The following MTERF4 variants were observed in gnomAD, a reference collection of about 807,000 sequenced individuals.
The protein encoded by MTERF4 is mitochondrial transcription termination factor 4, also known as transcription termination factor 4, mitochondrial.
A neutral mutation model predicts 22.5 loss-of-function variants in MTERF4; 17 were observed. That is an observed-to-expected ratio of 0.75 (90% CI 0.52 to 1.13). The LOEUF (loss-of-function observed/expected upper bound fraction) is 1.13. MTERF4 is among the 50% of genes most tolerant of loss of function. MTERF4 has a pLI of 0.00. For missense variants in MTERF4, 420 were observed against 466.8 expected, an observed-to-expected ratio of 0.90 and a Z score of 0.92; for synonymous variants, 165 against 175.3, an observed-to-expected ratio of 0.94 and a Z score of 0.47.
chr2:241,063,933 C>T, the MTERF4 span: 1 of 1,120,572 alleles, frequency 8.9e-7, no homozygotes, highest in Non-Finnish European at 1.3e-6. Context: ...CTCCTCCTTT[C>T]CCTTCTTCCC....
At chr2:241,065,722 A>C in the MTERF4 span, 1 of 841,210 alleles carries the variant, frequency 1.2e-6, no homozygotes, top group Non-Finnish European at 1.8e-6. Flanking sequence ...CAAGACAGAC[A>C]GCTGAGCTGG....
downstream of MTERF4, chr2:241,089,441 G>T: frequency 6.5e-7 from 1 of 1,547,344 alleles, no homozygotes; most frequent in South Asian, 1.2e-5. Flanking sequence ...TCAGATATAG[G>T]CTCACACACA....
At chr2:241,057,408 T>TATATATATATATATATATATGC in the MTERF4 span, among the ~76,000 whole-genome samples, 9 of 119,202 alleles carry the variant, frequency 7.6e-5, no homozygotes, top group African/African-American at 2.8e-4. Flanking sequence ...TATATATATA[T>TATATATATATATATATATATGC]ATATGCCATA....
the MTERF4 span, among the ~76,000 whole-genome samples, chr2:241,061,465 A>G: frequency 7.2e-5 from 11 of 152,350 alleles, no homozygotes; most frequent in African/African-American, 1.4e-4. Flanking sequence ...CTGTTGAGCA[A>G]TCTGCCCACT....
rs759597095 is a variant in MTERF4 at position 241,099,600 on chromosome 2, T to G, written c.316A>C (p.Asn106His). The G allele has an allele frequency of 1.9e-6, 3 of 1,614,210 alleles. No individual in the cohort carries two copies. The highest frequency in any genetic ancestry group is 2.5e-6 in the Non-Finnish European group (3 of 1,180,028). The change falls in exon 2 of 4, where the codon AAT (asparagine) becomes CAT (histidine). Residue 106 changes from asparagine (N) to histidine (H), a missense_variant. Coordinates refer to ENST00000391980, the MANE Select transcript of MTERF4 (RefSeq NM_182501.4). Reference protein sequence around the residue: ...MSSLLDMGFSNAHINELLSVR... With the variant: ...MSSLLDMGFSHAHINELLSVR... ...CTGAGCAATTCATTAATATGGGCAT[T>G]GCTGAAACCCATGTCCAGGAGGGAA...
chr2:241,079,897 G>A (rs1318442592), intron 4 of MTERF4, among the ~76,000 whole-genome samples: 1 of 152,200 alleles, frequency 6.6e-6, no homozygotes, highest in East Asian at 1.9e-4. Flanking sequence ...TGAAATGATT[G>A]CATGTATATG....
chr2:241,063,975 C>A, the MTERF4 span: 5 of 1,443,088 alleles, frequency 3.5e-6, no homozygotes, highest in Admixed American at 5.9e-5. Flanking sequence ...CAGACTCCCC[C>A]CTTGCAGCTT....
chr2:241,090,325 T>C (rs759112859), downstream of MTERF4: 114 of 1,549,978 alleles, frequency 7.4e-5, no homozygotes, highest in Admixed American at 2.0e-5. Context: ...CCACATCGTG[T>C]CCCAGTAACA....
At chr2:241,081,690 C>T (rs1311622257) in intron 4 of MTERF4, 1 of 1,605,514 alleles carries the variant, frequency 6.2e-7, no homozygotes, top group South Asian at 1.1e-5. Flanking sequence ...TCCCTGGCAA[C>T]TGTTCAGAAA....
At chr2:241,067,357 C>T (rs992265679), downstream of MTERF4, among the ~76,000 whole-genome samples, 3 of 152,194 alleles carry the variant, frequency 2.0e-5, no homozygotes, top group Admixed American at 6.5e-5. Flanking sequence ...CCTAAGACAG[C>T]GTTGCCCAGA....
chr2:241,045,994 A>G, the MTERF4 span, among the ~76,000 whole-genome samples: 11 of 152,360 alleles, frequency 7.2e-5, no homozygotes, highest in East Asian at 2.1e-3. Flanking sequence ...AAAATGGACA[A>G]AAGACTTGAA....
exon 5 of MTERF4, chr2:241,072,804 G>A (rs778330448): frequency 2.4e-4 from 46 of 192,594 alleles, no homozygotes; most frequent in Non-Finnish European, 4.2e-4. Flanking sequence ...CCGAGGGTGC[G>A]GTTGAGATCC....
chr2:241,096,868 A>G lies in MTERF4; in HGVS notation c.705+375T>C. On this transcript the variant is annotated intron_variant, in intron 3 of 3. Transcript: ENST00000391980. This position sits in a 1 kb window ranked among gnomAD's most constrained non-coding sequence, Gnocchi z 5.1. ...AAAATCAACATGCAAAATAGATTCT[A>G]AGGACAGGAAGGTTTCAGCTATTTT... is the stretch of plus-strand genomic sequence containing the variant. The G allele has an allele frequency of 1.7e-6, 1 of 572,228 alleles. No individual in the cohort carries two copies. The highest frequency in any genetic ancestry group is 2.1e-5 in the South Asian group (1 of 47,814). 35.4% of individuals were successfully genotyped at this position (572,228 alleles called of 1,614,324 possible). A position where few individuals can be genotyped will look rare whatever the true frequency, so the allele number is the denominator to read the frequency against.
chr2:241,083,436 C>T (rs926764736), downstream of MTERF4, among the ~76,000 whole-genome samples: 1 of 152,096 alleles, frequency 6.6e-6, no homozygotes, highest in South Asian at 2.1e-4. Context: ...GTGACATGTT[C>T]GATTACACTA....
intron 1 of MTERF4, 188 bp downstream of exon 1, chr2:241,102,065 G>A (rs1485323083): frequency 1.2e-5 from 8 of 646,928 alleles, no homozygotes; most frequent in South Asian, 8.0e-5. Context: ...AAAAAAAAAT[G>A]TCAACTCTAT....
At chr2:241,071,856 C>T (rs1292324678), downstream of MTERF4, 13 of 1,604,924 alleles carry the variant, frequency 8.1e-6, no homozygotes, top group Non-Finnish European at 1.1e-5. Context: ...GCTCACCCAG[C>T]AAAGCAGCCA....
chr2:241,054,995 T>C, the MTERF4 span, among the ~76,000 whole-genome samples: 1 of 152,054 alleles, frequency 6.6e-6, no homozygotes, highest in South Asian at 2.1e-4. Flanking sequence ...CACATGCCTG[T>C]AATCCCAGCT....
chr2:241,070,053 G>A, downstream of MTERF4: 1 of 1,613,082 alleles, frequency 6.2e-7, no homozygotes, highest in African/African-American at 1.3e-5. Flanking sequence ...AGAGCACCAA[G>A]AGCCGCTATG....
At chr2:241,063,337 C>A in the MTERF4 span, 3 of 547,650 alleles carry the variant, frequency 5.5e-6, no homozygotes, top group Admixed American at 3.1e-5. Flanking sequence ...CCTGGGGAGC[C>A]TCCCATTGCG....
Sources: gnomAD v4.1 joint callset for allele counts (sites outside exome capture counted in the v4.1 genomes callset) on GRCh38, gnomAD v4.1.1 for gene constraint, Gnocchi (gnomAD v3.1) non-coding constraint, MANE v1.5 for transcripts, NCBI Gene and HGNC (gene_info 2026-07-23, HGNC 2026-07-21) for gene names.